Variants in TMEM182 observed in about 807,000 individuals in gnomAD.
TMEM182 encodes the protein transmembrane protein 182.
A neutral mutation model predicts 26.8 loss-of-function variants in TMEM182; 20 were observed. The observed-to-expected ratio is 0.75, with a 90% CI of 0.53 to 1.09. The LOEUF is 1.09. Ranked by LOEUF, TMEM182 falls within the 50% of genes least tolerant of loss-of-function variation. TMEM182 has a pLI of 0.00. For synonymous variants in TMEM182, 109 were observed against 102.2 expected (o/e 1.07, Z -0.40); for missense variants, 277 against 275.5 (o/e 1.01, Z -0.04).
chr2:102,799,407 G>T (rs956650235), intron 4 of TMEM182, among the ~76,000 whole-genome samples: 1 of 152,162 alleles, frequency 6.6e-6, no homozygotes, highest in Non-Finnish European at 1.5e-5. Context: ...GGAACAGAAG[G>T]TTCCCTGAAA....
At chr2:102,831,574 T>A (rs1297376645) in intron 3 of TMEM182, among the ~76,000 whole-genome samples, 1 of 152,070 alleles carries the variant, frequency 6.6e-6, no homozygotes, top group Non-Finnish European at 1.5e-5. Context: ...CTGGCCAACA[T>A]GGTGAAACCC....
upstream of TMEM182, chr2:102,761,979 C>T (rs1274654800): frequency 5.1e-6 from 2 of 389,342 alleles, no homozygotes; most frequent in Non-Finnish European, 9.4e-6. Context: ...AAATAGCCAG[C>T]AATTCTCAGC....
intron 3 of TMEM182, among the ~76,000 whole-genome samples, chr2:102,795,865 C>A (rs1681849191): frequency 6.6e-6 from 1 of 152,110 alleles, no homozygotes; most frequent in African/African-American, 2.4e-5. Context: ...GCAGCCATGA[C>A]ACATAGCAAG....
At chr2:102,842,280 G>A (rs1451221828) in intron 3 of TMEM182, among the ~76,000 whole-genome samples, 1 of 152,006 alleles carries the variant, frequency 6.6e-6, no homozygotes, top group South Asian at 2.1e-4. Flanking sequence ...CCGATTGATG[G>A]TGCTGTCCCC....
intron 4 of TMEM182, among the ~76,000 whole-genome samples, chr2:102,805,724 CG>C (rs1682319757): frequency 6.6e-6 from 1 of 151,996 alleles, no homozygotes; most frequent in South Asian, 2.1e-4. Flanking sequence ...TCCTGAAAGA[CG>C]GTTTTCAGAT....
At chr2:102,769,725 C>G (rs184601392) in intron 3 of TMEM182, among the ~76,000 whole-genome samples, 15 of 152,258 alleles carry the variant, frequency 9.9e-5, no homozygotes, top group African/African-American at 3.4e-4. Context: ...AATAGTGACT[C>G]AAAATATAGG....
intron 3 of TMEM182, among the ~76,000 whole-genome samples, chr2:102,826,990 A>C (rs1315014080): frequency 6.6e-6 from 1 of 152,212 alleles, no homozygotes; most frequent in Non-Finnish European, 1.5e-5. Flanking sequence ...ACAGCAAGAT[A>C]ATGAAAAACT....
chr2:102,823,900 G>GT (rs2104769360), intron 3 of TMEM182, among the ~76,000 whole-genome samples: 1 of 152,296 alleles, frequency 6.6e-6, no homozygotes, highest in African/African-American at 2.4e-5. Context: ...ATCAAAAGGC[G>GT]TATCATAATA....
chr2:102,743,909 A>C (rs1679611772), intron 1 of TMEM182, among the ~76,000 whole-genome samples: 1 of 152,200 alleles, frequency 6.6e-6, no homozygotes, highest in Non-Finnish European at 1.5e-5. Flanking sequence ...CTCCAAGAAG[A>C]CCTAACAACC....
At chr2:102,819,016 G>A (rs532650942), downstream of TMEM182, among the ~76,000 whole-genome samples, 1 of 152,218 alleles carries the variant, frequency 6.6e-6, no homozygotes, top group East Asian at 1.9e-4. Flanking sequence ...GGAAGGAGAG[G>A]GCTCACTGGG....
intron 3 of TMEM182, among the ~76,000 whole-genome samples, chr2:102,786,502 C>T (rs112231919): frequency 7.9e-5 from 12 of 152,110 alleles, no homozygotes; most frequent in African/African-American, 1.4e-4. Context: ...TGTGAGCCAC[C>T]GCGTCCAGCC....
At chr2:102,781,002 C>T (rs1027702025) in intron 3 of TMEM182, among the ~76,000 whole-genome samples, 4 of 152,170 alleles carry the variant, frequency 2.6e-5, no homozygotes, top group Non-Finnish European at 1.5e-5. Context: ...AGGAAACTCA[C>T]CAGACCCAGT....
chr2:102,815,334 G>C lies in TMEM182; in HGVS notation c.*366G>C. The C allele has an allele frequency of 1.0e-6, 1 of 998,500 alleles. No homozygotes were observed. Among genetic ancestry groups the C allele is most frequent in the Non-Finnish European group, 1.2e-6 (1 of 839,110 alleles). The allele number at this position is 998,500 out of a possible 1,614,324, so 61.9% of individuals were successfully genotyped here. ...TAAAGTCTCCTTGGCATTCACTTCTGCTAATTAAAAAAAATCCTTGAAGAA... is the reference window on the plus strand; with the variant it reads ...TAAAGTCTCCTTGGCATTCACTTCTCCTAATTAAAAAAAATCCTTGAAGAA... On this transcript the variant is annotated 3_prime_UTR_variant, in exon 5 of 5. Transcript: ENST00000412401.
downstream of TMEM182, among the ~76,000 whole-genome samples, chr2:102,821,904 C>T (rs540488273): frequency 1.3e-5 from 2 of 151,250 alleles, no homozygotes; most frequent in Admixed American, 6.6e-5. Context: ...AGGAGAATGG[C>T]GTGAACCCGG....
intron 3 of TMEM182, among the ~76,000 whole-genome samples, chr2:102,796,391 T>G (rs1681869261): frequency 2.0e-5 from 3 of 152,222 alleles, no homozygotes; most frequent in Admixed American, 1.3e-4. Flanking sequence ...CTGAGCTGCT[T>G]CTTGTTGTTA....
At chr2:102,757,152 T>A (rs1389859199), upstream of TMEM182, among the ~76,000 whole-genome samples, 13 of 152,024 alleles carry the variant, frequency 8.6e-5, no homozygotes, top group Admixed American at 8.5e-4. Context: ...GAGTAGAGTA[T>A]CTACATGGGG....
chr2:102,807,258 G>C (rs1682382882), intron 4 of TMEM182, among the ~76,000 whole-genome samples: 1 of 152,192 alleles, frequency 6.6e-6, no homozygotes, highest in Non-Finnish European at 1.5e-5. Flanking sequence ...ATGATGAAGT[G>C]TGTGCAGCAA....
intron 1 of TMEM182, among the ~76,000 whole-genome samples, chr2:102,750,785 G>T (rs762299257): frequency 3.3e-5 from 5 of 152,322 alleles, no homozygotes; most frequent in Non-Finnish European, 7.4e-5. Context: ...GGTGAGGTGT[G>T]ATTGTCCTTT....
chr2:102,760,561 A>G (rs1680174559), upstream of TMEM182, among the ~76,000 whole-genome samples: 1 of 152,194 alleles, frequency 6.6e-6, no homozygotes, highest in African/African-American at 2.4e-5. Context: ...CTAATCCTTA[A>G]TGATTGTGTA....
Sources: allele counts gnomAD v4.1 joint callset (sites outside exome capture counted in the v4.1 genomes callset), GRCh38; gene constraint gnomAD v4.1.1; transcripts MANE v1.5; gene names NCBI Gene and HGNC (gene_info 2026-07-23, HGNC 2026-07-21).